Variants in HIPK2 observed in about 807,000 individuals in gnomAD.
HIPK2 encodes the protein homeodomain interacting protein kinase 2, also known as homeodomain-interacting protein kinase 2.
Under a neutral mutation model 113.7 loss-of-function variants are expected in HIPK2, and 27 were observed. The ratio of observed to expected loss-of-function variants is 0.24; its 90% CI spans 0.17 to 0.33. The LOEUF (loss-of-function observed/expected upper bound fraction) is 0.33. Ranked by LOEUF, HIPK2 falls within the 10% of genes least tolerant of loss-of-function variation. HIPK2 has a pLI of 1.00. For missense variants in HIPK2, 1,257 were observed against 1,588.0 expected (o/e 0.79, Z 3.54); for synonymous variants, 631 against 642.2 (o/e 0.98, Z 0.26).
Position 139,772,752 on chromosome 7 carries a change from AT to A in HIPK2, c.19+4852del, listed in dbSNP as rs5887935. On this transcript the variant is annotated intron_variant, in intron 1 of 14. Transcript: ENST00000406875. ...ACAGGCACCACCACCACGCCCAGCT[AT>A]TTTTTTTTTTTTTTGTATTTTTAGT... 7.4e-3 allele frequency among the ~76,000 whole-genome samples: 1,014 copies of A among 137,800 alleles called. 5 individuals carry two copies. Among genetic ancestry groups the A allele is most frequent in the African/African-American group, 0.013 (477 of 37,940 alleles). The allele number at this position is 137,800 out of a possible 152,430, so 90.4% of individuals were successfully genotyped here.
intron 2 of HIPK2, among the ~76,000 whole-genome samples, chr7:139,710,734 T>C (rs956308480): frequency 1.3e-5 from 2 of 152,164 alleles, no homozygotes; most frequent in African/African-American, 2.4e-5. Context: ...TCATGTTGAA[T>C]TGTGATCTCC....
At chr7:139,724,299 A>T (rs1161263823) in intron 1 of HIPK2, among the ~76,000 whole-genome samples, 1 of 152,206 alleles carries the variant, frequency 6.6e-6, no homozygotes, top group Non-Finnish European at 1.5e-5. Context: ...ATATTCATAA[A>T]GTTTTAATAA....
At chr7:139,691,681 C>G (rs888432208) in intron 2 of HIPK2, among the ~76,000 whole-genome samples, 4 of 152,228 alleles carry the variant, frequency 2.6e-5, no homozygotes, top group African/African-American at 9.6e-5. Flanking sequence ...GGAGGTGAGC[C>G]TGGTGTGGAG....
intron 1 of HIPK2, among the ~76,000 whole-genome samples, chr7:139,718,102 T>C (rs772652352): frequency 6.6e-6 from 1 of 152,216 alleles, no homozygotes. Context: ...CTTAGAAACC[T>C]ATGAGACCGT....
chr7:139,737,016 G>A (rs548897784), intron 1 of HIPK2, among the ~76,000 whole-genome samples: 17 of 152,184 alleles, frequency 1.1e-4, no homozygotes, highest in Admixed American at 4.6e-4. Flanking sequence ...TCAGCAGCTC[G>A]CCTTGTGGTC....
Position 139,777,059 on chromosome 7 carries a change from G to C in HIPK2, c.19+546C>G, listed in dbSNP as rs1178731097. On this transcript the variant is annotated intron_variant, in intron 1 of 14. Transcript: ENST00000406875. ...AGATTTTCGCCTATTTCATTGTTCTGCCTGGCTCTGACATGGACTTTTCAT... is the reference window on the plus strand; with the variant it reads ...AGATTTTCGCCTATTTCATTGTTCTCCCTGGCTCTGACATGGACTTTTCAT... 5 of 152,126 alleles carry C rather than the reference G, an allele frequency of 3.3e-5. 2 individuals are homozygous for C. Among genetic ancestry groups the C allele is most frequent in the Admixed American group, 3.3e-4 (5 of 15,260 alleles). 9.4% of individuals were successfully genotyped at this position (152,126 alleles called of 1,614,324 possible). A position where few individuals can be genotyped will look rare whatever the true frequency, so the allele number is the denominator to read the frequency against.
chr7:139,774,086 T>C (rs1267051016), intron 1 of HIPK2, among the ~76,000 whole-genome samples: 2 of 152,226 alleles, frequency 1.3e-5, no homozygotes, highest in South Asian at 2.1e-4. Context: ...AGGGGGTTTA[T>C]TGTTGCTGGT....
rs375858246 is a variant in HIPK2, at chr7:139,665,949, C to CTTTTTT, written c.1104-34225_1104-34224insAAAAAA. ...TCTTTCAAGTCAATAAGGAGGTCTG[C>CTTTTTT]CTTTTTTTTTTTTTTTTTTAAACAC... is the stretch of plus-strand genomic sequence containing the variant. On this transcript the variant is annotated intron_variant, in intron 2 of 14. Coordinates refer to ENST00000406875, the MANE Select transcript of HIPK2 (RefSeq NM_022740.5). Among the ~76,000 whole-genome samples the CTTTTTT allele has an allele frequency of 1.4e-5, 2 of 145,600 alleles. 1 individual carries two copies.
intron 1 of HIPK2, among the ~76,000 whole-genome samples, chr7:139,757,565 A>C (rs540040202): frequency 6.6e-6 from 1 of 152,250 alleles, no homozygotes. Flanking sequence ...AAGGCATGCG[A>C]CAACATGGAT....
rs370694084 is a variant in HIPK2, at chr7:139,717,734, TTTTTG to T, written c.20-724_20-720del. On this transcript the variant is annotated intron_variant, in intron 1 of 14. Coordinates refer to ENST00000406875, the MANE Select transcript of HIPK2 (RefSeq NM_022740.5). ...AGAAAGTACTATTTCTTTTTGTTTT[TTTTTG>T]TTTGTTTGTTTGTTTTTGTTTTGAG... 3.0e-3 allele frequency among the ~76,000 whole-genome samples: 464 copies of T among 152,184 alleles called. 2 individuals carry two copies. Among genetic ancestry groups the T allele is most frequent in the African/African-American group, 0.011 (440 of 41,486 alleles).
At chr7:139,635,730 G>A (rs1800788875) in intron 2 of HIPK2, among the ~76,000 whole-genome samples, 1 of 152,120 alleles carries the variant, frequency 6.6e-6, no homozygotes, top group Non-Finnish European at 1.5e-5. Context: ...CCACATCAAA[G>A]CACACAGGAC....
intron 1 of HIPK2, among the ~76,000 whole-genome samples, chr7:139,741,932 A>C (rs1796108485): frequency 6.6e-6 from 1 of 152,224 alleles, no homozygotes; most frequent in African/African-American, 2.4e-5. Flanking sequence ...GCCTCACGGC[A>C]ACCCTGGGAG....
chr7:139,731,090 T>G (rs187387980), intron 1 of HIPK2, among the ~76,000 whole-genome samples: 7 of 152,352 alleles, frequency 4.6e-5, no homozygotes, highest in Admixed American at 2.0e-4. Context: ...TTGTGTTAAT[T>G]TGTTACAGTC....
intron 2 of HIPK2, 101 bp downstream of exon 2, chr7:139,715,831 T>C (rs1222665896): frequency 4.1e-6 from 6 of 1,468,366 alleles, no homozygotes; most frequent in South Asian, 1.4e-5. Context: ...GCAGGAACTG[T>C]AGACATATAA....
rs570586794 is a variant in HIPK2, at chr7:139,571,666, G to GA, written c.*1260dup. 1,678 of 147,212 alleles carry GA rather than the reference G, an allele frequency of 0.011. 14 individuals are homozygous for GA. The highest frequency in any genetic ancestry group is 0.028 in the Middle Eastern group (8 of 290). The allele number at this position is 147,212 out of a possible 1,614,324, so 9.1% of individuals were successfully genotyped here. On this transcript the variant is annotated 3_prime_UTR_variant, in exon 15 of 15. Transcript: ENST00000406875. ...AACATTTTAAAAAGAAAAAGAAAAA[G>GA]AAAAAAAAAAGGCCAGCGTAAACTG...
intron 2 of HIPK2, among the ~76,000 whole-genome samples, chr7:139,704,639 C>T (rs974781661): frequency 3.3e-5 from 5 of 152,188 alleles, no homozygotes; most frequent in Non-Finnish European, 5.9e-5. Context: ...TACACACAGA[C>T]GTGCTCTGTC....
At chr7:139,620,718 T>C (rs1585287448) in intron 6 of HIPK2, 155 bp from the exon 7 acceptor site, 1 of 489,840 alleles carries the variant, frequency 2.0e-6, no homozygotes, top group Non-Finnish European at 2.6e-6. Flanking sequence ...GTTTCTTGGA[T>C]TGCTTGTGCA....
rs1462160260 is a variant in HIPK2 at position 139,716,380 on chromosome 7, G to A, written c.655C>T (p.Arg219Trp). ...TFGQVVKCWK[R>W]GTNEIVAIKI... ...ATGGCTACGATCTCATTGGTGCCCC[G>A]TTTCCAGCACTTGACCACTTGCCCA... The change falls in exon 2 of 15, where the codon CGG becomes TGG. Residue 219 changes from arginine (R) to tryptophan (W), a missense_variant. Arg to Trp is a moderately radical substitution (Grantham distance 101). Coordinates refer to ENST00000406875, the MANE Select transcript of HIPK2 (RefSeq NM_022740.5). This position sits in a 1 kb window ranked among gnomAD's most constrained non-coding sequence, Gnocchi z 9.3. The A allele has an allele frequency of 5.0e-6, 8 of 1,614,092 alleles. No homozygotes were observed. Among genetic ancestry groups the A allele is most frequent in the South Asian group, 1.1e-5 (1 of 91,080 alleles).
At chr7:139,765,319 C>T (rs969115655) in intron 1 of HIPK2, among the ~76,000 whole-genome samples, 4 of 152,112 alleles carry the variant, frequency 2.6e-5, no homozygotes, top group African/African-American at 9.7e-5. Context: ...ATAACCTTAA[C>T]ATTTGGGGAA....
Sources: allele counts gnomAD v4.1 joint callset (sites outside exome capture counted in the v4.1 genomes callset), GRCh38; gene constraint gnomAD v4.1.1; non-coding constraint Gnocchi (gnomAD v3.1); transcripts MANE v1.5; gene names NCBI Gene and HGNC (gene_info 2026-07-23, HGNC 2026-07-21).